The following CDH18 variants were observed in gnomAD, a reference collection of about 807,000 sequenced individuals.
CDH18 encodes the protein cadherin-18.
A neutral mutation model predicts 67.9 loss-of-function variants in CDH18; 31 were observed. The ratio of observed to expected loss-of-function variants is 0.46; its 90% CI spans 0.34 to 0.62. The LOEUF is 0.62. Among genes scored for constraint, CDH18 ranks in the 20% least tolerant of loss-of-function variants. The pLI, the probability that CDH18 is intolerant of heterozygous loss-of-function variation, is 0.01. For missense variants in CDH18, 890 were observed against 975.5 expected, an observed-to-expected ratio of 0.91 and a Z score of 1.17; for synonymous variants, 362 against 347.2, an observed-to-expected ratio of 1.04 and a Z score of -0.48.
chr5:20,202,323 G>T (rs527499326), intron 2 of CDH18, among the ~76,000 whole-genome samples: 1 of 152,044 alleles, frequency 6.6e-6, no homozygotes, highest in Non-Finnish European at 1.5e-5. Flanking sequence ...TTGCTTAGGG[G>T]TGCTGAGAAA....
intron 2 of CDH18, among the ~76,000 whole-genome samples, chr5:20,041,875 A>T (rs1265889836): frequency 6.6e-6 from 1 of 152,240 alleles, no homozygotes. Context: ...GCAATATCAC[A>T]CTTGGTAACA....
intron 5 of CDH18, among the ~76,000 whole-genome samples, chr5:19,636,429 T>C (rs1000039595): frequency 1.3e-5 from 2 of 152,058 alleles, no homozygotes; most frequent in African/African-American, 4.8e-5. Flanking sequence ...TCAAATAATC[T>C]TGTGGCTAAA....
At chr5:19,907,056 AT>A (rs1790618426) in intron 2 of CDH18, among the ~76,000 whole-genome samples, 2 of 152,010 alleles carry the variant, frequency 1.3e-5, no homozygotes, top group Admixed American at 6.6e-5. Flanking sequence ...GAACATGATG[AT>A]TGCTGAAAAT....
chr5:19,989,709 G>A (rs2150382768), upstream of CDH18, among the ~76,000 whole-genome samples: 1 of 152,312 alleles, frequency 6.6e-6, no homozygotes, highest in Middle Eastern at 3.4e-3. Context: ...GTGAATGTTT[G>A]AATCGGCTAA....
At chr5:19,794,821 A>G (rs1384492785) in intron 3 of CDH18, among the ~76,000 whole-genome samples, 1 of 152,170 alleles carries the variant, frequency 6.6e-6, no homozygotes, top group East Asian at 1.9e-4. Flanking sequence ...AGATAAGATG[A>G]TATACACTCA....
intron 2 of CDH18, among the ~76,000 whole-genome samples, chr5:20,248,115 T>A (rs1365255423): frequency 6.6e-6 from 1 of 152,196 alleles, no homozygotes; most frequent in Non-Finnish European, 1.5e-5. Context: ...TCAGTGAATT[T>A]TTTTGAAGTC....
Position 20,058,121 on chromosome 5 carries a change from G to GT in CDH18, c.-517-66108dup, listed in dbSNP as rs533836834. Among the ~76,000 whole-genome samples the GT allele has an allele frequency of 5.8e-4, 88 of 152,172 alleles. 1 individual carries two copies. Among genetic ancestry groups the GT allele is most frequent in the Non-Finnish European group, 1.0e-3 (70 of 67,976 alleles). On this transcript the variant is annotated intron_variant, in intron 2 of 14. Coordinates refer to the CDH18 transcript ENST00000507958. ...TCTCTTGGTCAATTTTTATAACACA[G>GT]TTGCCTTAGTTATTAGTCAAATGTC... is the stretch of plus-strand genomic sequence containing the variant.
chr5:19,847,890 A>C (rs1240939184), intron 2 of CDH18, among the ~76,000 whole-genome samples: 2 of 152,230 alleles, frequency 1.3e-5, no homozygotes, highest in East Asian at 1.9e-4. Context: ...TATATGGTGT[A>C]CCGCACATCC....
intron 1 of CDH18, among the ~76,000 whole-genome samples, chr5:20,358,955 G>C (rs559159738): frequency 3.6e-5 from 5 of 138,054 alleles, no homozygotes; most frequent in African/African-American, 1.4e-4. Context: ...TTTTTGAGAC[G>C]GAGTTTCACT....
chr5:20,195,021 A>G (rs1261618662), intron 2 of CDH18, among the ~76,000 whole-genome samples: 1 of 152,090 alleles, frequency 6.6e-6, no homozygotes, highest in African/African-American at 2.4e-5. Context: ...TTAAACCACT[A>G]TATTTTATAA....
At chr5:20,385,181 T>G (rs918129404) in intron 1 of CDH18, among the ~76,000 whole-genome samples, 1 of 152,244 alleles carries the variant, frequency 6.6e-6, no homozygotes, top group Admixed American at 6.5e-5. Context: ...CTCTTAAAAA[T>G]TGTTTAGATT....
At chr5:19,491,603 T>C (rs1439266512) in intron 11 of CDH18, among the ~76,000 whole-genome samples, 3 of 152,208 alleles carry the variant, frequency 2.0e-5, no homozygotes, top group African/African-American at 7.2e-5. Flanking sequence ...AAGACTTCTT[T>C]CTAACAGTTA....
At chr5:20,504,006 C>T (rs1364641632) in intron 1 of CDH18, among the ~76,000 whole-genome samples, 1 of 151,302 alleles carries the variant, frequency 6.6e-6, no homozygotes, top group Non-Finnish European at 1.5e-5. Flanking sequence ...CCACTGCTCT[C>T]CAGCCTGGGC....
At chr5:19,767,668 A>G (rs1278007603) in intron 3 of CDH18, among the ~76,000 whole-genome samples, 1 of 152,136 alleles carries the variant, frequency 6.6e-6, no homozygotes, top group Non-Finnish European at 1.5e-5. Flanking sequence ...TAAAAACAAT[A>G]TTGTAGACAT....
intron 1 of CDH18, among the ~76,000 whole-genome samples, chr5:20,367,290 C>A (rs1008787286): frequency 5.9e-5 from 9 of 152,080 alleles, no homozygotes; most frequent in Admixed American, 4.6e-4. Flanking sequence ...GGGTTTAACA[C>A]AATCAATCTT....
At chr5:20,515,144 T>A (rs1755282849) in intron 1 of CDH18, among the ~76,000 whole-genome samples, 1 of 151,982 alleles carries the variant, frequency 6.6e-6, no homozygotes, top group South Asian at 2.1e-4. Context: ...ATTACTATAA[T>A]CAAAAAGACC....
chr5:20,266,227 C>T (rs1745021570), intron 1 of CDH18, among the ~76,000 whole-genome samples: 1 of 150,272 alleles, frequency 6.7e-6, no homozygotes, highest in Non-Finnish European at 1.5e-5. Context: ...TCTCTATCTA[C>T]CTAGCTTATT....
At chr5:20,540,113 A>G (rs1561110355) in intron 1 of CDH18, among the ~76,000 whole-genome samples, 1 of 152,110 alleles carries the variant, frequency 6.6e-6, no homozygotes. Context: ...TTTTGACTAT[A>G]TTATGTGGTG....
In CDH18 at chr5:20,536,935, G is replaced by T. The variant is rs188638837; in HGVS notation, c.-580+38527C>A. On this transcript the variant is annotated intron_variant, in intron 1 of 14. Coordinates refer to the CDH18 transcript ENST00000507958. Reference sequence around the variant, plus strand: ...TGGATGGTCTAAATGGTCTAAATCTGGAAGTAACCTCCACTGAATTAGCTA... The same window carrying T: ...TGGATGGTCTAAATGGTCTAAATCTTGAAGTAACCTCCACTGAATTAGCTA... Among the ~76,000 whole-genome samples the T allele has an allele frequency of 2.9e-3, 436 of 152,186 alleles. 1 individual carries two copies. Among genetic ancestry groups the T allele is most frequent in the Non-Finnish European group, 4.3e-3 (294 of 68,008 alleles).
Sources: allele counts gnomAD v4.1 joint callset (sites outside exome capture counted in the v4.1 genomes callset), GRCh38; gene constraint gnomAD v4.1.1; transcripts MANE v1.5; gene names NCBI Gene and HGNC (gene_info 2026-07-23, HGNC 2026-07-21).